Variants in TRRAP observed in about 807,000 individuals in gnomAD.
The protein encoded by TRRAP is transformation/transcription domain-associated protein.
In TRRAP, 41 loss-of-function variants were observed where a neutral mutation model predicts 438.8. The ratio of observed to expected loss-of-function variants is 0.09; its 90% confidence interval spans 0.07 to 0.12. TRRAP has a LOEUF of 0.12. Ranked by LOEUF, TRRAP falls within the 10% of genes least tolerant of loss-of-function variation. The pLI, the probability that TRRAP is intolerant of heterozygous loss-of-function variation, is 1.00. For missense variants in TRRAP, 3,122 were observed against 5,055.1 expected, an observed-to-expected ratio of 0.62 and a Z score of 11.60; for synonymous variants, 1,994 against 1,962.9, an observed-to-expected ratio of 1.02 and a Z score of -0.42.
chr7:98,937,284 GTGTGT>G lies in TRRAP; in HGVS notation c.4233+8_4233+12del. The G allele has an allele frequency of 6.2e-7, 1 of 1,607,186 alleles. No homozygotes were observed. On this transcript the variant is annotated splice_region_variant and intron_variant, in intron 29 of 72. Transcript: ENST00000456197. ...AGAAGCCTGTATGAGAAAGGTGAGT[GTGTGT>G]GCGTGCGTGTATGCGCACGCGTGTG...
At chr7:98,909,432 G>T (rs781996650) in intron 14 of TRRAP, among the ~76,000 whole-genome samples, 5 of 152,168 alleles carry the variant, frequency 3.3e-5, no homozygotes, top group African/African-American at 1.2e-4. Flanking sequence ...CTTCACTTCT[G>T]TGCACCAGTT....
At chr7:98,962,862 T>C (rs753552117) in intron 47 of TRRAP, among the ~76,000 whole-genome samples, 22 of 152,186 alleles carry the variant, frequency 1.4e-4, no homozygotes, top group Non-Finnish European at 2.5e-4. Flanking sequence ...ACTGCCTCCC[T>C]CCTTAGGTGA....
At chr7:98,967,340 G>A in intron 50 of TRRAP, 145 bp from the exon 51 acceptor site, 3 of 1,233,120 alleles carry the variant, frequency 2.4e-6, no homozygotes, top group Non-Finnish European at 2.3e-6. Context: ...TTGTAATGCT[G>A]CATGAGCCTG....
rs573750076 is a variant in TRRAP at position 99,011,918 on chromosome 7, C to T, written c.11338-153C>T. On this transcript the variant is annotated intron_variant, in intron 72 of 72. Transcript: ENST00000456197. This position sits in a 1 kb window ranked among gnomAD's most constrained non-coding sequence, Gnocchi z 7.1. ...TCCCCCAGCGGCTTCCCCAGCCCGT[C>T]CTGAGGGCACACAGCCTGGCCTGGT... Among the ~76,000 whole-genome samples the T allele has an allele frequency of 4.6e-5, 7 of 152,364 alleles. No individual in the cohort carries two copies. The highest frequency in any genetic ancestry group is 1.0e-4 in the Non-Finnish European group (7 of 68,028).
At chr7:98,920,735 G>T (rs1584313038) in intron 20 of TRRAP, among the ~76,000 whole-genome samples, 1 of 152,176 alleles carries the variant, frequency 6.6e-6, no homozygotes, top group Admixed American at 6.5e-5. Context: ...TGTCATGTTT[G>T]TAAGTTATAA....
intron 67 of TRRAP, among the ~76,000 whole-genome samples, chr7:99,001,100 T>G (rs1793900211): frequency 6.6e-6 from 1 of 152,222 alleles, no homozygotes; most frequent in Non-Finnish European, 1.5e-5. Flanking sequence ...ATCTCCTTAA[T>G]CGGAAAGGAC....
chr7:98,940,429 A>C (rs1218458119), intron 30 of TRRAP, among the ~76,000 whole-genome samples: 1 of 152,146 alleles, frequency 6.6e-6, no homozygotes, highest in African/African-American at 2.4e-5. Flanking sequence ...ACCTCATGTG[A>C]ACCACTGCGC....
chr7:98,921,619 A>C (rs1584314269), intron 20 of TRRAP, 134 bp from the exon 21 acceptor site: 1 of 1,149,236 alleles, frequency 8.7e-7, no homozygotes, highest in Non-Finnish European at 1.2e-6. Flanking sequence ...CAGGTGATCT[A>C]CCCGCCTTAG....
Position 99,011,443 on chromosome 7 carries a change from AT to A in TRRAP, c.11248del (p.Ser3750LeufsTer4). 6.2e-7 allele frequency: 1 copy of A among 1,614,190 alleles called. No individual in the cohort carries two copies. ...RPVPFRLTPN[I>X]SEFLTTIGVS... The stretch of plus-strand genomic sequence containing the variant: ...TGTCCCATTTCGACTCACGCCCAAC[AT>A]TTCTGAGTTTCTGACCACCATCGGG... On this transcript the variant is annotated frameshift_variant, in exon 72 of 73. Transcript: ENST00000456197. LOFTEE classifies it high-confidence loss of function. This position sits in a 1 kb window ranked among gnomAD's most constrained non-coding sequence, Gnocchi z 7.1.
chr7:98,946,537 TACATG>T (rs1211812438), intron 33 of TRRAP, among the ~76,000 whole-genome samples: 10 of 130,194 alleles, frequency 7.7e-5, no homozygotes, highest in Non-Finnish European at 1.5e-4. Flanking sequence ...ACTCACAACA[TACATG>T]CACTCACACC....
At chr7:98,986,329 C>T (rs893529414) in intron 62 of TRRAP, among the ~76,000 whole-genome samples, 1 of 152,114 alleles carries the variant, frequency 6.6e-6, no homozygotes, top group African/African-American at 2.4e-5. Context: ...TCATATTGTA[C>T]TTCTCTGTTT....
At position 98,961,247 on chromosome 7, in the gene TRRAP, GT is replaced by G. The variant is rs1791878914; in HGVS notation, c.6490-12del. 6.2e-7 allele frequency: 1 copy of G among 1,613,678 alleles called. No individual in the cohort carries two copies. Among genetic ancestry groups the G allele is most frequent in the African/African-American group, 1.3e-5 (1 of 75,012 alleles). On this transcript the variant is annotated splice_polypyrimidine_tract_variant and intron_variant, in intron 45 of 72. Coordinates refer to ENST00000456197, the MANE Select transcript of TRRAP (RefSeq NM_001375524.1). Reference sequence around the variant, plus strand: ...TTTGTTTCCTCTGTGAGTGGCCTGTGTTGTCCATTGCAGGAGCAGCCAAACC... The same window carrying G: ...TTTGTTTCCTCTGTGAGTGGCCTGTGTGTCCATTGCAGGAGCAGCCAAACC...
chr7:98,954,040 C>G (rs188124190), intron 40 of TRRAP, among the ~76,000 whole-genome samples: 2 of 152,210 alleles, frequency 1.3e-5, no homozygotes, highest in East Asian at 3.8e-4. Context: ...ATTCAAGGGC[C>G]CCAGCCCACT....
intron 51 of TRRAP, among the ~76,000 whole-genome samples, chr7:98,968,846 A>G (rs1792277201): frequency 6.6e-6 from 1 of 152,236 alleles, no homozygotes; most frequent in African/African-American, 2.4e-5. Context: ...ACACCTGGGC[A>G]GAGTTCCCTG....
chr7:99,004,513 C>A, intron 68 of TRRAP, 98 bp downstream of exon 68: 1 of 1,032,382 alleles, frequency 9.7e-7, no homozygotes, highest in Non-Finnish European at 1.4e-6. Flanking sequence ...GAATTTTGGA[C>A]ACAGATTCCC....
At chr7:98,965,527 A>G (rs1792113418) in intron 48 of TRRAP, among the ~76,000 whole-genome samples, 169 bp from the exon 49 acceptor site, 1 of 152,164 alleles carries the variant, frequency 6.6e-6, no homozygotes, top group Non-Finnish European at 1.5e-5. Context: ...TACATTTCCA[A>G]GATGCACGTA....
At chr7:98,922,081 G>A (rs923952170) in intron 21 of TRRAP, 128 bp downstream of exon 21, 188 of 1,292,116 alleles carry the variant, frequency 1.5e-4, no homozygotes, top group East Asian at 2.5e-5. Flanking sequence ...TCAGGTGATC[G>A]GCCTGGTTGG....
chr7:98,960,201 G>A (rs893885729), intron 45 of TRRAP, among the ~76,000 whole-genome samples: 4 of 152,174 alleles, frequency 2.6e-5, no homozygotes, highest in Non-Finnish European at 5.9e-5. Flanking sequence ...GTACCATGTA[G>A]CACTTAGGTA....
At chr7:98,881,402 G>A in intron 2 of TRRAP, 152 bp downstream of exon 2, 8 of 631,916 alleles carry the variant, frequency 1.3e-5, no homozygotes, top group Non-Finnish European at 1.8e-5. Context: ...GTGAAACCAC[G>A]TCTCTACTAA....
Sources: allele counts gnomAD v4.1 joint callset (sites outside exome capture counted in the v4.1 genomes callset), GRCh38; gene constraint gnomAD v4.1.1; non-coding constraint Gnocchi (gnomAD v3.1); transcripts MANE v1.5; gene names NCBI Gene and HGNC (gene_info 2026-07-23, HGNC 2026-07-21).